Variants in CBLB observed in about 807,000 individuals in gnomAD.
CBLB encodes the protein E3 ubiquitin-protein ligase CBL-B.
CBLB carries 31 observed loss-of-function variants against 104.9 expected under a neutral mutation model. The observed-to-expected ratio is 0.30, with a 90% CI of 0.22 to 0.40. The LOEUF (loss-of-function observed/expected upper bound fraction) is 0.40, where lower values mean the gene tolerates loss of function less well. CBLB is among the 10% of genes least tolerant of loss of function. The probability of loss-of-function intolerance (pLI) is 1.00; values close to 1 mark genes in which losing one functional copy is unlikely to be tolerated. For synonymous variants in CBLB, 440 were observed against 422.6 expected, an observed-to-expected ratio of 1.04 and a Z score of -0.51; for missense variants, 1,062 against 1,214.6, an observed-to-expected ratio of 0.87 and a Z score of 1.87.
At chr3:105,768,957 C>A (rs1448901788) in intron 4 of CBLB, among the ~76,000 whole-genome samples, 1 of 152,156 alleles carries the variant, frequency 6.6e-6, no homozygotes. Flanking sequence ...ATAATGAAGT[C>A]ATTGGAAATT....
intron 3 of CBLB, among the ~76,000 whole-genome samples, chr3:105,777,611 A>C (rs2079638212): frequency 6.6e-6 from 1 of 152,238 alleles, no homozygotes; most frequent in African/African-American, 2.4e-5. Context: ...ACAGGGTGAG[A>C]CAATGTCTCA....
chr3:105,866,829 C>A (rs577804109), intron 2 of CBLB, among the ~76,000 whole-genome samples: 1 of 152,238 alleles, frequency 6.6e-6, no homozygotes, highest in South Asian at 2.1e-4. Flanking sequence ...AATGTGCCAT[C>A]GAAAGGTTTC....
In CBLB at chr3:105,675,102, A is replaced by ATAT. The variant is rs1491578055; in HGVS notation, c.2569+3328_2569+3329insATA. On this transcript the variant is annotated intron_variant, in intron 17 of 18. Transcript: ENST00000394030. ...TTGATTAGGTACTTAGTATAATATC[A>ATAT]TGAGAAAATTCAACCTCTCTTCCTA... is the stretch of plus-strand genomic sequence containing the variant. Among the ~76,000 whole-genome samples, 18 of 143,706 alleles carry ATAT rather than the reference A, an allele frequency of 1.3e-4. 1 individual carries two copies. In the South Asian group the frequency reaches 3.8e-3, roughly 31 times the overall value. The allele number at this position is 143,706 out of a possible 152,430, so 94.3% of individuals were successfully genotyped here.
chr3:105,681,284 CACT>C, intron 16 of CBLB, 192 bp downstream of exon 16: 2 of 610,152 alleles, frequency 3.3e-6, no homozygotes, highest in East Asian at 5.5e-5. Context: ...CCAACTACTA[CACT>C]ACTACCTTAA....
chr3:105,791,394 A>C (rs1467380907), intron 3 of CBLB, among the ~76,000 whole-genome samples: 1 of 152,220 alleles, frequency 6.6e-6, no homozygotes, highest in African/African-American at 2.4e-5. Context: ...TCACTTCCAG[A>C]AATGATTCAT....
intron 3 of CBLB, among the ~76,000 whole-genome samples, chr3:105,845,568 T>G (rs754095051): frequency 6.6e-6 from 1 of 151,760 alleles, no homozygotes; most frequent in Non-Finnish European, 1.5e-5. Flanking sequence ...AAAAAAAAAC[T>G]TTCACTTTTC....
intron 3 of CBLB, among the ~76,000 whole-genome samples, chr3:105,811,133 T>C (rs181391774): frequency 5.2e-4 from 79 of 152,312 alleles, no homozygotes; most frequent in African/African-American, 1.8e-3. Flanking sequence ...TTTCCCTGAA[T>C]AGTAGAGAAG....
chr3:105,739,369 T>C (rs2075292835), intron 7 of CBLB, among the ~76,000 whole-genome samples: 1 of 152,262 alleles, frequency 6.6e-6, no homozygotes, highest in Non-Finnish European at 1.5e-5. Flanking sequence ...TCTAGGTTTC[T>C]ACCAGAATTC....
rs887615561 is a variant in CBLB at position 105,693,672 on chromosome 3, CAA to C, written c.1960-86_1960-85del. 9.4e-5 allele frequency: 81 copies of C among 861,776 alleles called. No homozygotes were observed. The African/African-American group carries it at 1.2e-3, about 13-fold the overall frequency. The allele number at this position is 861,776 out of a possible 1,614,324, so 53.4% of individuals were successfully genotyped here. On this transcript the variant is annotated intron_variant, in intron 12 of 18. Coordinates refer to ENST00000394030, the MANE Select transcript of CBLB (RefSeq NM_170662.5). ...CATAGCTGCTCTACCATTCTGAAGACAATATGTAAGTTCAGTATATTTAAATA... is the reference window on the plus strand; with the variant it reads ...CATAGCTGCTCTACCATTCTGAAGACTATGTAAGTTCAGTATATTTAAATA...
chr3:105,661,130 C>T (rs1298786090), intron 18 of CBLB, among the ~76,000 whole-genome samples: 4 of 151,980 alleles, frequency 2.6e-5, no homozygotes, highest in African/African-American at 9.7e-5. Context: ...TTAAATTATT[C>T]CTTTTTTGTA....
At chr3:105,705,694 C>T (rs1010571880) in intron 10 of CBLB, among the ~76,000 whole-genome samples, 1 of 152,190 alleles carries the variant, frequency 6.6e-6, no homozygotes. Context: ...CCTTAATTAC[C>T]TGACCGTGGT....
chr3:105,805,826 A>G (rs1464124208), intron 3 of CBLB, among the ~76,000 whole-genome samples: 1 of 152,156 alleles, frequency 6.6e-6, no homozygotes, highest in African/African-American at 2.4e-5. Flanking sequence ...CATCAGTAGT[A>G]GGACATTAAT....
At chr3:105,855,171 G>C (rs113880169) in intron 2 of CBLB, among the ~76,000 whole-genome samples, 1,889 of 152,218 alleles carry the variant, frequency 0.012, 15 homozygotes, top group Non-Finnish European at 0.019. Flanking sequence ...ATTAATATAT[G>C]ATCTCATTTT....
At chr3:105,802,519 G>C (rs2083008839) in intron 3 of CBLB, among the ~76,000 whole-genome samples, 1 of 152,166 alleles carries the variant, frequency 6.6e-6, no homozygotes, top group Non-Finnish European at 1.5e-5. Flanking sequence ...ATACACTAAT[G>C]TTCACACCAA....
rs202190358 is a variant in CBLB at position 105,670,360 on chromosome 3, A to T, written c.2570-8T>A. On this transcript the variant is annotated splice_region_variant and splice_polypyrimidine_tract_variant and intron_variant, in intron 17 of 18. Coordinates refer to ENST00000394030, the MANE Select transcript of CBLB (RefSeq NM_170662.5). ...CTAGATCAACAAAGGGATCTTAAAA[A>T]TAAAAACAAGTTTCAAATTAAAAGG... is the stretch of plus-strand genomic sequence containing the variant. 7.6e-5 allele frequency: 122 copies of T among 1,609,090 alleles called. No individual in the cohort carries two copies. The highest frequency in any genetic ancestry group is 8.5e-5 in the Non-Finnish European group (100 of 1,176,116).
intron 9 of CBLB, among the ~76,000 whole-genome samples, chr3:105,722,689 G>T (rs2073056866): frequency 6.6e-6 from 1 of 152,276 alleles, no homozygotes; most frequent in Admixed American, 6.5e-5. Flanking sequence ...TGAACCTCCA[G>T]GGTCAACTTA....
intron 3 of CBLB, among the ~76,000 whole-genome samples, chr3:105,795,131 C>T (rs910862877): frequency 2.6e-5 from 4 of 152,116 alleles, no homozygotes; most frequent in African/African-American, 9.7e-5. Flanking sequence ...CCAGGATGGT[C>T]CAGATCTGCT....
At chr3:105,773,218 G>T (rs2079070431) in intron 4 of CBLB, among the ~76,000 whole-genome samples, 1 of 152,206 alleles carries the variant, frequency 6.6e-6, no homozygotes. Flanking sequence ...AAGAAGGAAT[G>T]AAATAATGTC....
intron 3 of CBLB, among the ~76,000 whole-genome samples, chr3:105,847,462 G>T (rs1020849600): frequency 6.7e-6 from 1 of 150,312 alleles, no homozygotes; most frequent in Non-Finnish European, 1.5e-5. Context: ...CTACAACACT[G>T]GTTATTAAGG....
Sources: allele counts gnomAD v4.1 joint callset (sites outside exome capture counted in the v4.1 genomes callset), GRCh38; gene constraint gnomAD v4.1.1; transcripts MANE v1.5; gene names NCBI Gene and HGNC (gene_info 2026-07-23, HGNC 2026-07-21).